The following HTR1F variants were observed in gnomAD, a reference collection of about 807,000 sequenced individuals.
HTR1F encodes the protein 5-hydroxytryptamine (serotonin) receptor 1F, G protein-coupled.
A neutral mutation model predicts 24.0 loss-of-function variants in HTR1F; 17 were observed. That is an observed-to-expected ratio of 0.71 (90% CI 0.48 to 1.06). The LOEUF is 1.06. Among genes scored for constraint, HTR1F ranks in the 50% least tolerant of loss-of-function variants. The pLI is 0.00. For missense variants in HTR1F, 391 were observed against 427.8 expected (o/e 0.91, Z 0.76); for synonymous variants, 186 against 156.8 (o/e 1.19, Z -1.39).
chr3:87,928,047 CTTTT>C (rs5850817), intron 2 of HTR1F, among the ~76,000 whole-genome samples: 3 of 131,406 alleles, frequency 2.3e-5, no homozygotes, highest in Admixed American at 7.6e-5. Context: ...AATATCTTTG[CTTTT>C]TTTTTTTTTT....
intron 2 of HTR1F, among the ~76,000 whole-genome samples, chr3:87,981,419 T>C (rs1705541145): frequency 6.6e-6 from 1 of 152,178 alleles, no homozygotes; most frequent in Non-Finnish European, 1.5e-5. Flanking sequence ...AGTCTCGAAC[T>C]CTTGAGCTCA....
chr3:87,921,297 G>C (rs570997915), intron 2 of HTR1F, among the ~76,000 whole-genome samples: 2 of 152,018 alleles, frequency 1.3e-5, no homozygotes, highest in South Asian at 2.1e-4. Context: ...GTGAGAAGTA[G>C]ATTATAATTT....
At chr3:87,872,744 G>T (rs1261180474) in intron 2 of HTR1F, among the ~76,000 whole-genome samples, 1 of 151,944 alleles carries the variant, frequency 6.6e-6, no homozygotes, top group Admixed American at 6.6e-5. Flanking sequence ...ATTGAATCAT[G>T]AATAAATAGA....
intron 2 of HTR1F, among the ~76,000 whole-genome samples, chr3:87,985,788 T>C (rs1705649852): frequency 6.6e-6 from 1 of 152,236 alleles, no homozygotes; most frequent in African/African-American, 2.4e-5. Flanking sequence ...AATTAAACTA[T>C]GCGGCTAGGA....
intron 2 of HTR1F, among the ~76,000 whole-genome samples, chr3:87,953,903 G>A (rs112748490): frequency 4.6e-5 from 7 of 151,796 alleles, no homozygotes; most frequent in African/African-American, 1.4e-4. Flanking sequence ...TGAAAATAGC[G>A]GTCATTATGG....
At chr3:87,987,667 T>C (rs111523075) in intron 2 of HTR1F, among the ~76,000 whole-genome samples, 1 of 144,036 alleles carries the variant, frequency 6.9e-6, no homozygotes, top group Non-Finnish European at 1.5e-5. Flanking sequence ...TAAAAATATA[T>C]GTATTATATA....
intron 2 of HTR1F, among the ~76,000 whole-genome samples, chr3:87,969,289 G>A (rs1016284338): frequency 2.0e-5 from 3 of 152,176 alleles, no homozygotes; most frequent in African/African-American, 7.2e-5. Flanking sequence ...TTGCGCCTGT[G>A]TGCCAGGAAA....
chr3:87,946,008 C>T (rs2915292), intron 2 of HTR1F, among the ~76,000 whole-genome samples: 76,065 of 151,960 alleles, frequency 0.5, 22,131 homozygotes, highest in African/African-American at 0.82. Flanking sequence ...CCTTGGGCCA[C>T]GCAGTGAGTG....
At chr3:87,838,932 T>A (rs1704738761) in intron 2 of HTR1F, among the ~76,000 whole-genome samples, 1 of 151,882 alleles carries the variant, frequency 6.6e-6, no homozygotes, top group African/African-American at 2.4e-5. Flanking sequence ...GCTTACCTGC[T>A]GTATAATTTG....
chr3:87,980,877 G>C (rs1310376400), intron 2 of HTR1F, among the ~76,000 whole-genome samples: 2 of 152,196 alleles, frequency 1.3e-5, no homozygotes, highest in East Asian at 1.9e-4. Flanking sequence ...GGAGTGGGGA[G>C]AGATCAGGCA....
chr3:87,934,686 A>T (rs759298566), intron 2 of HTR1F, among the ~76,000 whole-genome samples: 1 of 152,096 alleles, frequency 6.6e-6, no homozygotes, highest in Non-Finnish European at 1.5e-5. Context: ...GCAAATCTTC[A>T]TTCCAGGATC....
chr3:87,910,482 G>C (rs567492509), intron 2 of HTR1F: 3 of 152,054 alleles, frequency 2.0e-5, no homozygotes, highest in South Asian at 4.2e-4. Flanking sequence ...CAAGTTCTTA[G>C]AGATCTACAA....
At chr3:87,972,128 C>G (rs6787145) in intron 2 of HTR1F, among the ~76,000 whole-genome samples, 1,606 of 152,186 alleles carry the variant, frequency 0.011, 25 homozygotes, top group African/African-American at 0.036. Context: ...TTGTTCTAGG[C>G]CCAGGGATTA....
rs1295267724 is a variant in HTR1F at position 87,849,455 on chromosome 3, A to T, written c.-43+27331A>T. On this transcript the variant is annotated intron_variant, in intron 2 of 2. Transcript: ENST00000319595. Reference sequence around the variant, plus strand: ...TTTCTTACACCTTCTACAAAAATTAATTCAAGATGGATTAAAGACTTACAT... The same window carrying T: ...TTTCTTACACCTTCTACAAAAATTATTTCAAGATGGATTAAAGACTTACAT... 5.3e-5 allele frequency among the ~76,000 whole-genome samples: 8 copies of T among 151,964 alleles called. No individual in the cohort carries two copies. The East Asian group carries it at 1.5e-3, about 29-fold the overall frequency.
At chr3:87,880,143 AAC>A (rs1277461601) in intron 2 of HTR1F, among the ~76,000 whole-genome samples, 1 of 152,194 alleles carries the variant, frequency 6.6e-6, no homozygotes, top group Non-Finnish European at 1.5e-5. Context: ...GTGACATAAA[AAC>A]AGATAAGTGA....
At chr3:87,815,129 T>C (rs901220239) in intron 1 of HTR1F, among the ~76,000 whole-genome samples, 4 of 152,020 alleles carry the variant, frequency 2.6e-5, no homozygotes, top group Non-Finnish European at 1.5e-5. Context: ...AAAAATACAA[T>C]TGTGTAAAAG....
Position 87,805,006 on chromosome 3 carries a change from C to T in HTR1F, c.-160+12164C>T, listed in dbSNP as rs1314222859. On this transcript the variant is annotated intron_variant, in intron 1 of 2. Transcript: ENST00000319595. The stretch of plus-strand genomic sequence containing the variant: ...CATAATGTTTTTTTCTAGAGTCAAC[C>T]TTTTGATACTAATGCCATGTCTTTG... Among the ~76,000 whole-genome samples the T allele has an allele frequency of 1.3e-5, 2 of 151,858 alleles. 1 individual carries two copies. The highest frequency in any genetic ancestry group is 2.9e-5 in the Non-Finnish European group (2 of 67,938).
At chr3:87,933,954 G>T (rs777220072) in intron 2 of HTR1F, among the ~76,000 whole-genome samples, 1 of 152,126 alleles carries the variant, frequency 6.6e-6, no homozygotes, top group Non-Finnish European at 1.5e-5. Context: ...GTATTCCATT[G>T]GCATCATTTT....
chr3:87,965,087 T>C (rs1383960215), intron 2 of HTR1F, among the ~76,000 whole-genome samples: 1 of 152,188 alleles, frequency 6.6e-6, no homozygotes, highest in East Asian at 1.9e-4. Flanking sequence ...TTTTTTAAAA[T>C]AAATTATCCA....
Sources: allele counts gnomAD v4.1 joint callset (sites outside exome capture counted in the v4.1 genomes callset), GRCh38; gene constraint gnomAD v4.1.1; transcripts MANE v1.5; gene names NCBI Gene and HGNC (gene_info 2026-07-23, HGNC 2026-07-21).